LRP1B: variants seen among roughly 807,000 people sequenced by gnomAD.
LRP1B encodes the protein low-density lipoprotein receptor-related protein 1B.
Under a neutral mutation model 556.6 loss-of-function variants are expected in LRP1B, and 217 were observed. That is an observed-to-expected ratio of 0.39 (90% CI 0.35 to 0.44). The LOEUF is 0.44. Among genes scored for constraint, LRP1B ranks in the 20% least tolerant of loss-of-function variants. The probability of loss-of-function intolerance (pLI) is 1.00; values close to 1 mark genes in which losing one functional copy is unlikely to be tolerated. For missense variants in LRP1B, 5,053 were observed against 5,620.8 expected, an observed-to-expected ratio of 0.90 and a Z score of 3.23; for synonymous variants, 2,047 against 1,865.8, an observed-to-expected ratio of 1.10 and a Z score of -2.50.
At chr2:141,177,276 G>A (rs1046691290) in intron 7 of LRP1B, among the ~76,000 whole-genome samples, 2 of 151,878 alleles carry the variant, frequency 1.3e-5, no homozygotes, top group Non-Finnish European at 2.9e-5. Flanking sequence ...TCTAATTTTA[G>A]GTAGAAAAAA....
chr2:141,975,769 G>C (rs952287510), intron 1 of LRP1B, among the ~76,000 whole-genome samples: 2 of 152,026 alleles, frequency 1.3e-5, no homozygotes, highest in African/African-American at 2.4e-5. Context: ...TATGTATTAG[G>C]CCTCTTGAAG....
intron 1 of LRP1B, among the ~76,000 whole-genome samples, chr2:142,042,796 A>G (rs940813675): frequency 4.6e-5 from 7 of 151,522 alleles, no homozygotes; most frequent in African/African-American, 1.5e-4. Flanking sequence ...AGAAGAATCT[A>G]ATTTCTTTTC....
At chr2:140,481,776 A>G (rs6753651) in intron 59 of LRP1B, among the ~76,000 whole-genome samples, 15,233 of 151,910 alleles carry the variant, frequency 0.1, 1,181 homozygotes, top group African/African-American at 0.21. Flanking sequence ...GTCATTTTGT[A>G]TTATGTTCTG....
At chr2:141,115,737 C>T (rs1700881736) in intron 7 of LRP1B, among the ~76,000 whole-genome samples, 1 of 151,954 alleles carries the variant, frequency 6.6e-6, no homozygotes, top group South Asian at 2.1e-4. Flanking sequence ...CCCTCTCGGA[C>T]TCCCAAAGTG....
At chr2:141,985,517 G>A (rs192928151) in intron 1 of LRP1B, among the ~76,000 whole-genome samples, 9 of 99,368 alleles carry the variant, frequency 9.1e-5, no homozygotes, top group African/African-American at 2.4e-4. Flanking sequence ...TTATTTTTTT[G>A]GGGGGGGTAT....
At chr2:140,536,298 G>A (rs1690965127) in intron 46 of LRP1B, among the ~76,000 whole-genome samples, 1 of 97,220 alleles carries the variant, frequency 1.0e-5, no homozygotes, top group Admixed American at 1.6e-4. Flanking sequence ...AACACAATGA[G>A]ACCCCGTCTC....
chr2:141,084,250 C>T (rs184252516), intron 7 of LRP1B, among the ~76,000 whole-genome samples: 88 of 152,212 alleles, frequency 5.8e-4, no homozygotes, highest in African/African-American at 2.0e-3. Context: ...ACTTTAAAAA[C>T]ATGTTTTTAT....
At chr2:140,254,042 C>G (rs1425761133) in intron 86 of LRP1B, among the ~76,000 whole-genome samples, 1 of 152,052 alleles carries the variant, frequency 6.6e-6, no homozygotes, top group Non-Finnish European at 1.5e-5. Flanking sequence ...TATGTTTTAG[C>G]TCAAAGTGAG....
chr2:140,860,975 CATCTATCTATCTATCTATCT>C (rs35339728), intron 27 of LRP1B, among the ~76,000 whole-genome samples: 11 of 145,866 alleles, frequency 7.5e-5, no homozygotes, highest in South Asian at 4.4e-4. Flanking sequence ...GAGAATTGTG[CATCTATCTATCTATCTATCT>C]ATCTATCTAT....
chr2:140,545,144 T>C (rs1408508329), intron 43 of LRP1B, among the ~76,000 whole-genome samples: 1 of 151,652 alleles, frequency 6.6e-6, no homozygotes, highest in Non-Finnish European at 1.5e-5. Context: ...TATGAGTTTT[T>C]TTTTTTTGTA....
intron 5 of LRP1B, among the ~76,000 whole-genome samples, chr2:141,234,484 C>A (rs1215922358): frequency 1.3e-5 from 2 of 152,080 alleles, no homozygotes; most frequent in African/African-American, 2.4e-5. Context: ...TCAAGCGATT[C>A]TCCTGCTTCA....
intron 3 of LRP1B, among the ~76,000 whole-genome samples, chr2:141,347,911 A>G (rs1243776771): frequency 6.6e-6 from 1 of 152,090 alleles, no homozygotes; most frequent in Non-Finnish European, 1.5e-5. Flanking sequence ...GTTGAATGGA[A>G]ATAATATTTA....
intron 2 of LRP1B, among the ~76,000 whole-genome samples, chr2:141,663,752 C>T (rs1374705664): frequency 6.6e-6 from 1 of 151,940 alleles, no homozygotes; most frequent in Non-Finnish European, 1.5e-5. Context: ...TGAATTCTAC[C>T]AGAGGTACAT....
At position 140,492,705 on chromosome 2, in the gene LRP1B, C is replaced by A. The variant is rs1688753973; in HGVS notation, c.9035-12G>T. The A allele has an allele frequency of 6.4e-7, 1 of 1,556,336 alleles. No homozygotes were observed. Among genetic ancestry groups the A allele is most frequent in the South Asian group, 1.1e-5 (1 of 89,922 alleles). ...AAAAGGTTCTTCATCTAAACACCAACACAAATAACATATTAGACTTTAAGT... is the reference window on the plus strand; with the variant it reads ...AAAAGGTTCTTCATCTAAACACCAAAACAAATAACATATTAGACTTTAAGT... On this transcript the variant is annotated splice_polypyrimidine_tract_variant and intron_variant, in intron 56 of 90. Coordinates refer to ENST00000389484, the MANE Select transcript of LRP1B (RefSeq NM_018557.3).
intron 86 of LRP1B, among the ~76,000 whole-genome samples, chr2:140,255,330 A>C (rs1681626993): frequency 6.6e-6 from 1 of 152,146 alleles, no homozygotes; most frequent in South Asian, 2.1e-4. Flanking sequence ...GGTAGAGACA[A>C]ATGTCTTCAC....
intron 7 of LRP1B, among the ~76,000 whole-genome samples, chr2:141,094,647 A>G (rs1353544474): frequency 6.6e-6 from 1 of 152,140 alleles, no homozygotes; most frequent in Non-Finnish European, 1.5e-5. Context: ...ATTCTTCTCT[A>G]AGATGTGGCA....
chr2:140,786,730 T>C (rs1461389464), intron 32 of LRP1B, among the ~76,000 whole-genome samples: 1 of 152,172 alleles, frequency 6.6e-6, no homozygotes, highest in African/African-American at 2.4e-5. Flanking sequence ...GGCCCTAAAC[T>C]CTTTCCATTC....
intron 41 of LRP1B, among the ~76,000 whole-genome samples, chr2:140,674,323 C>T (rs181537346): frequency 7.8e-4 from 119 of 152,256 alleles, no homozygotes; most frequent in Non-Finnish European, 1.3e-3. Context: ...CATTCAGGCC[C>T]TCCTAATCTC....
intron 55 of LRP1B, among the ~76,000 whole-genome samples, chr2:140,498,327 A>G (rs1462933011): frequency 6.6e-6 from 1 of 152,036 alleles, no homozygotes; most frequent in East Asian, 1.9e-4. Flanking sequence ...CAGCTTTTCA[A>G]GTAACATGAC....
Sources: allele counts gnomAD v4.1 joint callset (sites outside exome capture counted in the v4.1 genomes callset), GRCh38; gene constraint gnomAD v4.1.1; transcripts MANE v1.5; gene names NCBI Gene and HGNC (gene_info 2026-07-23, HGNC 2026-07-21).